C8orf34: variants seen among roughly 807,000 people sequenced by gnomAD.
The protein encoded by C8orf34 is chromosome 8 open reading frame 34, also known as uncharacterized protein C8orf34.
Under a neutral mutation model 68.3 loss-of-function variants are expected in C8orf34, and 65 were observed. The observed-to-expected ratio is 0.95, with a 90% CI of 0.78 to 1.17. The LOEUF (loss-of-function observed/expected upper bound fraction) is 1.17. C8orf34 is among the 50% of genes most tolerant of loss of function. The probability of loss-of-function intolerance (pLI) is 0.00; values close to 1 mark genes in which losing one functional copy is unlikely to be tolerated. For missense variants in C8orf34, 664 were observed against 655.4 expected (o/e 1.01, Z -0.14); for synonymous variants, 244 against 241.2 (o/e 1.01, Z -0.11).
At chr8:68,633,057 G>A (rs1186632160) in intron 7 of C8orf34, among the ~76,000 whole-genome samples, 1 of 152,148 alleles carries the variant, frequency 6.6e-6, no homozygotes, top group African/African-American at 2.4e-5. Context: ...GAAGTACAGA[G>A]AGTTTTAAAA....
At chr8:68,524,593 G>A (rs760280610) in intron 6 of C8orf34, among the ~76,000 whole-genome samples, 3 of 152,194 alleles carry the variant, frequency 2.0e-5, no homozygotes, top group Non-Finnish European at 4.4e-5. Flanking sequence ...ACAGAGAGGT[G>A]AATGTGTTGG....
chr8:68,579,941 A>G (rs1261665699), intron 7 of C8orf34, among the ~76,000 whole-genome samples: 2 of 152,184 alleles, frequency 1.3e-5, no homozygotes, highest in Non-Finnish European at 2.9e-5. Context: ...GATTAAATCT[A>G]TTCATTATAC....
intron 7 of C8orf34, among the ~76,000 whole-genome samples, chr8:68,574,376 C>T (rs1816843151): frequency 6.6e-6 from 1 of 152,022 alleles, no homozygotes; most frequent in South Asian, 2.1e-4. Context: ...AGAAATTATT[C>T]ACCTACCTGA....
rs140540328 is a variant in C8orf34 at position 68,459,801 on chromosome 8, G to A, written c.608-8891G>A. On this transcript the variant is annotated intron_variant, in intron 3 of 13. Transcript: ENST00000518698. Reference sequence around the variant, plus strand: ...AAATGGATAATAAAAACTTGGTGCAGGGTGAGAGCCAAGATGGCCAAATAG... The same window carrying A: ...AAATGGATAATAAAAACTTGGTGCAAGGTGAGAGCCAAGATGGCCAAATAG... Among the ~76,000 whole-genome samples the A allele has an allele frequency of 2.2e-3, 333 of 152,288 alleles. 1 individual carries two copies. The highest frequency in any genetic ancestry group is 7.1e-3 in the African/African-American group (293 of 41,556).
chr8:68,743,548 G>C (rs138558614), intron 10 of C8orf34, among the ~76,000 whole-genome samples: 12,502 of 152,254 alleles, frequency 0.082, 546 homozygotes, highest in Middle Eastern at 0.16. Flanking sequence ...AGCCGAACCA[G>C]GGCGAGGCAT....
chr8:68,572,399 C>G (rs939113137), intron 7 of C8orf34, among the ~76,000 whole-genome samples: 6 of 151,884 alleles, frequency 4.0e-5, no homozygotes, highest in African/African-American at 1.4e-4. Context: ...ATTACACACT[C>G]CATATGACAT....
At chr8:68,727,338 G>C (rs747016451) in intron 10 of C8orf34, among the ~76,000 whole-genome samples, 3 of 152,204 alleles carry the variant, frequency 2.0e-5, no homozygotes, top group African/African-American at 4.8e-5. Flanking sequence ...GTCTTGGGCA[G>C]TTCCACCCCT....
chr8:68,337,454 G>A (rs974532114), intron 1 of C8orf34, among the ~76,000 whole-genome samples: 46 of 152,282 alleles, frequency 3.0e-4, no homozygotes, highest in African/African-American at 1.1e-3. Flanking sequence ...AGGGTCAAGA[G>A]AGGCCTCAGA....
At chr8:68,627,443 A>T (rs1315152083) in intron 7 of C8orf34, among the ~76,000 whole-genome samples, 1 of 152,182 alleles carries the variant, frequency 6.6e-6, no homozygotes, top group African/African-American at 2.4e-5. Flanking sequence ...CTCCCCTGAC[A>T]TGAGTTCACA....
intron 7 of C8orf34, among the ~76,000 whole-genome samples, chr8:68,639,063 G>T (rs1171444269): frequency 6.6e-6 from 1 of 152,026 alleles, no homozygotes; most frequent in Non-Finnish European, 1.5e-5. Context: ...TTTAATGCTG[G>T]CTGAAAAGTG....
At chr8:68,758,015 G>T (rs1234578585) in intron 10 of C8orf34, among the ~76,000 whole-genome samples, 1 of 152,240 alleles carries the variant, frequency 6.6e-6, no homozygotes, top group Non-Finnish European at 1.5e-5. Flanking sequence ...GATTGGAATA[G>T]CCCAACAAAG....
At chr8:68,589,095 A>T (rs1817291663) in intron 7 of C8orf34, among the ~76,000 whole-genome samples, 1 of 152,194 alleles carries the variant, frequency 6.6e-6, no homozygotes, top group Non-Finnish European at 1.5e-5. Context: ...GCAAACGGCC[A>T]GGCACAAATA....
intron 3 of C8orf34, among the ~76,000 whole-genome samples, chr8:68,467,963 T>C (rs1812221570): frequency 6.6e-6 from 1 of 152,012 alleles, no homozygotes; most frequent in Non-Finnish European, 1.5e-5. Context: ...CGACATTTAA[T>C]GGGCCCTTTA....
At position 68,462,200 on chromosome 8, in the gene C8orf34, T is replaced by C. The variant is rs554997345; in HGVS notation, c.608-6492T>C. On this transcript the variant is annotated intron_variant, in intron 3 of 13. Coordinates refer to ENST00000518698, the MANE Select transcript of C8orf34 (RefSeq NM_052958.4). ...AGATCAAAAGAGACAAAGAAGGCCATTACATAATGGTAAAGGGATCAATTC... is the reference window on the plus strand; with the variant it reads ...AGATCAAAAGAGACAAAGAAGGCCACTACATAATGGTAAAGGGATCAATTC... Among the ~76,000 whole-genome samples the C allele has an allele frequency of 1.8e-4, 28 of 152,114 alleles. No homozygotes were observed. In the East Asian group the frequency reaches 4.6e-3, roughly 25 times the overall value.
At chr8:68,396,136 C>T (rs1009815835) in intron 1 of C8orf34, among the ~76,000 whole-genome samples, 2 of 151,692 alleles carry the variant, frequency 1.3e-5, no homozygotes, top group African/African-American at 4.8e-5. Flanking sequence ...TTTCTCAACC[C>T]CTGCACACTG....
At chr8:68,414,168 A>C (rs1809564608) in intron 1 of C8orf34, among the ~76,000 whole-genome samples, 1 of 152,104 alleles carries the variant, frequency 6.6e-6, no homozygotes, top group Admixed American at 6.5e-5. Context: ...TATTCCATCC[A>C]CATTTTTCTC....
chr8:68,717,836 A>C (rs184648804), intron 9 of C8orf34, among the ~76,000 whole-genome samples: 16 of 152,342 alleles, frequency 1.1e-4, no homozygotes, highest in African/African-American at 3.8e-4. Flanking sequence ...GACCATAGTT[A>C]ATGCATACTC....
intron 5 of C8orf34, among the ~76,000 whole-genome samples, chr8:68,496,573 T>C (rs1331254326): frequency 6.6e-6 from 1 of 152,204 alleles, no homozygotes; most frequent in Non-Finnish European, 1.5e-5. Context: ...CTGTAGACAG[T>C]GTGCCACGGG....
chr8:68,590,811 G>C (rs1423213531), intron 7 of C8orf34, among the ~76,000 whole-genome samples: 2 of 152,142 alleles, frequency 1.3e-5, no homozygotes, highest in Non-Finnish European at 2.9e-5. Flanking sequence ...TGAGAACTGA[G>C]ACAGCTCTGA....
Sources: allele counts gnomAD v4.1 joint callset (sites outside exome capture counted in the v4.1 genomes callset), GRCh38; gene constraint gnomAD v4.1.1; transcripts MANE v1.5; gene names NCBI Gene and HGNC (gene_info 2026-07-23, HGNC 2026-07-21).